SLIT2: variants seen among roughly 807,000 people sequenced by gnomAD.
SLIT2 encodes the protein slit guidance ligand 2, also known as slit homolog 2 protein.
Under a neutral mutation model 185.7 loss-of-function variants are expected in SLIT2, and 41 were observed. The ratio of observed to expected loss-of-function variants is 0.22; its 90% CI spans 0.17 to 0.29. SLIT2 has a LOEUF of 0.29. SLIT2 is among the 10% of genes least tolerant of loss of function. SLIT2 has a pLI of 1.00. For synonymous variants in SLIT2, 693 were observed against 680.2 expected (o/e 1.02, Z -0.29); for missense variants, 1,571 against 1,909.0 (o/e 0.82, Z 3.30).
At chr4:20,509,772 T>A (rs1322311886) in intron 9 of SLIT2, among the ~76,000 whole-genome samples, 1 of 152,210 alleles carries the variant, frequency 6.6e-6, no homozygotes, top group Non-Finnish European at 1.5e-5. Flanking sequence ...AATCTTGTCT[T>A]TCTCTGTTAG....
At chr4:20,279,875 A>G (rs1000538813) in intron 4 of SLIT2, among the ~76,000 whole-genome samples, 3 of 152,162 alleles carry the variant, frequency 2.0e-5, no homozygotes, top group African/African-American at 7.2e-5. Flanking sequence ...TTCCTGTCTT[A>G]TATTTGTCCT....
intron 4 of SLIT2, among the ~76,000 whole-genome samples, chr4:20,351,813 C>T (rs1462785821): frequency 2.0e-5 from 3 of 152,174 alleles, no homozygotes; most frequent in Admixed American, 1.3e-4. Flanking sequence ...CCTGCTTAAG[C>T]AACTCAGTTT....
intron 4 of SLIT2, among the ~76,000 whole-genome samples, chr4:20,463,486 TATATATGTGTGTGTGCGTATATCC>T (rs1713976882): frequency 1.7e-5 from 2 of 115,342 alleles, no homozygotes; most frequent in African/African-American, 7.4e-5. Flanking sequence ...TATATATATA[TATATATGTGTGTGTGCGTATATCC>T]ATATATGTGT....
At chr4:20,332,367 A>C (rs1720138289) in intron 4 of SLIT2, among the ~76,000 whole-genome samples, 1 of 152,168 alleles carries the variant, frequency 6.6e-6, no homozygotes, top group Admixed American at 6.5e-5. Context: ...GTTGATTTCC[A>C]AACCTGCCCT....
At chr4:20,487,574 T>C (rs1038878688) in intron 7 of SLIT2, among the ~76,000 whole-genome samples, 1 of 152,180 alleles carries the variant, frequency 6.6e-6, no homozygotes, top group Non-Finnish European at 1.5e-5. Flanking sequence ...TGTGCTTGGT[T>C]TAGACGGAAA....
chr4:20,438,089 C>T (rs1457502542), intron 4 of SLIT2, among the ~76,000 whole-genome samples: 1 of 152,052 alleles, frequency 6.6e-6, no homozygotes, highest in East Asian at 1.9e-4. Flanking sequence ...AGCACTCACC[C>T]CGTTTCTGGA....
At chr4:20,463,491 A>ATATATATATATATG (rs1491274435) in intron 4 of SLIT2, among the ~76,000 whole-genome samples, 4 of 96,218 alleles carry the variant, frequency 4.2e-5, no homozygotes, top group South Asian at 7.2e-4. Context: ...ATATATATAT[A>ATATATATATATATG]TGTGTGTGTG....
At chr4:20,312,678 C>G (rs1718222991) in intron 4 of SLIT2, among the ~76,000 whole-genome samples, 1 of 145,558 alleles carries the variant, frequency 6.9e-6, no homozygotes, top group South Asian at 2.1e-4. Context: ...GAGGCTGAGG[C>G]AGGGAAATGG....
intron 29 of SLIT2, among the ~76,000 whole-genome samples, chr4:20,583,297 G>A (rs930648172): frequency 1.3e-5 from 2 of 152,116 alleles, no homozygotes; most frequent in Non-Finnish European, 2.9e-5. Flanking sequence ...AAAATATATG[G>A]TGATGTTAAA....
chr4:20,478,816 G>T (rs1042122535), intron 5 of SLIT2, among the ~76,000 whole-genome samples: 1 of 151,806 alleles, frequency 6.6e-6, no homozygotes, highest in African/African-American at 2.4e-5. Flanking sequence ...TAGTAGTGTA[G>T]ATATATATAT....
At position 20,255,042 on chromosome 4, in the gene SLIT2, A is replaced by C. The variant is rs1711651314; in HGVS notation, c.179+1048A>C. The C allele has an allele frequency of 6.6e-6, 3 of 456,166 alleles. No individual in the cohort carries two copies. In the Admixed American group the frequency reaches 7.0e-5, roughly 11 times the overall value. The allele number at this position is 456,166 out of a possible 1,614,324, so 28.3% of individuals were successfully genotyped here. On this transcript the variant is annotated intron_variant, in intron 1 of 36. Transcript: ENST00000504154. ...GAGGCCGTTCTCTTTGTGAACGCCG[A>C]GGCCGCCGCCCCGCGCCAGTCCGGC...
At chr4:20,374,131 GT>G (rs1187929411) in intron 4 of SLIT2, among the ~76,000 whole-genome samples, 1 of 152,040 alleles carries the variant, frequency 6.6e-6, no homozygotes, top group Admixed American at 6.6e-5. Flanking sequence ...GTGAAAGTGG[GT>G]TTTAGAATAA....
At chr4:20,431,438 GC>G (rs1728970767) in intron 4 of SLIT2, among the ~76,000 whole-genome samples, 1 of 152,090 alleles carries the variant, frequency 6.6e-6, no homozygotes, top group Non-Finnish European at 1.5e-5. Flanking sequence ...CCCCAGAGCA[GC>G]CTGCCTGGCA....
At chr4:20,508,630 A>G (rs1159740940) in intron 9 of SLIT2, among the ~76,000 whole-genome samples, 1 of 152,116 alleles carries the variant, frequency 6.6e-6, no homozygotes, top group Non-Finnish European at 1.5e-5. Flanking sequence ...AATTATATAA[A>G]ATAAATATGC....
At chr4:20,392,615 C>G (rs1725514142) in intron 4 of SLIT2, among the ~76,000 whole-genome samples, 1 of 152,104 alleles carries the variant, frequency 6.6e-6, no homozygotes, top group South Asian at 2.1e-4. Context: ...CAGCTTAAAA[C>G]ACAAGTACAT....
chr4:20,304,550 G>A (rs557438033), intron 4 of SLIT2, among the ~76,000 whole-genome samples: 4 of 152,244 alleles, frequency 2.6e-5, no homozygotes, highest in South Asian at 4.1e-4. Flanking sequence ...TGCAAGCAGA[G>A]GCTTGACAAA....
In SLIT2 at chr4:20,525,185, C is replaced by T. The variant is rs778212608; in HGVS notation, c.1462+13C>T. 1.7e-5 allele frequency: 27 copies of T among 1,597,166 alleles called. No individual in the cohort carries two copies. The highest frequency in any genetic ancestry group is 2.1e-5 in the Non-Finnish European group (24 of 1,165,008). On this transcript the variant is annotated intron_variant, in intron 15 of 36. Transcript: ENST00000504154. Reference sequence around the variant, plus strand: ...TATTTCATTCCAGGTAGGTTTTGCTCGGTAGTAGGACTAACTACAGACACC... The same window carrying T: ...TATTTCATTCCAGGTAGGTTTTGCTTGGTAGTAGGACTAACTACAGACACC...
chr4:20,370,025 G>A (rs1221091268), intron 4 of SLIT2, among the ~76,000 whole-genome samples: 3 of 152,096 alleles, frequency 2.0e-5, no homozygotes, highest in Non-Finnish European at 4.4e-5. Context: ...TTTGTTAAAA[G>A]TGAAAATATT....
intron 34 of SLIT2, among the ~76,000 whole-genome samples, chr4:20,612,174 T>C (rs934478109): frequency 6.8e-6 from 1 of 147,682 alleles, no homozygotes; most frequent in African/African-American, 2.5e-5. Flanking sequence ...GCCCAGGAGG[T>C]TGAGGCTGCA....
Sources: allele counts gnomAD v4.1 joint callset (sites outside exome capture counted in the v4.1 genomes callset), GRCh38; gene constraint gnomAD v4.1.1; transcripts MANE v1.5; gene names NCBI Gene and HGNC (gene_info 2026-07-23, HGNC 2026-07-21).